ELAVL1: variants seen among roughly 807,000 people sequenced by gnomAD.
ELAVL1 encodes the protein ELAV like RNA binding protein 1, also known as ELAV-like protein 1.
ELAVL1 carries 1 observed loss-of-function variant against 28.4 expected under a neutral mutation model. That is an observed-to-expected ratio of 0.04 (90% CI 0.01 to 0.17). The LOEUF (loss-of-function observed/expected upper bound fraction) is 0.17, where lower values mean the gene tolerates loss of function less well. Among genes scored for constraint, ELAVL1 ranks in the 10% least tolerant of loss-of-function variants. The pLI is 1.00. For missense variants in ELAVL1, 157 were observed against 447.2 expected (o/e 0.35, Z 5.85); for synonymous variants, 174 against 183.5 (o/e 0.95, Z 0.42).
chr19:7,975,311 G>A (rs1269621461), intron 3 of ELAVL1, among the ~76,000 whole-genome samples: 2 of 152,234 alleles, frequency 1.3e-5, no homozygotes, highest in Non-Finnish European at 2.9e-5. Flanking sequence ...AGCTGAGGCT[G>A]GCACTGACTG....
In ELAVL1 at chr19:7,982,988, G is replaced by C. The variant is rs1407045492; in HGVS notation, c.173-1802C>G. 6.6e-6 allele frequency among the ~76,000 whole-genome samples: 1 copy of C among 152,178 alleles called. No individual in the cohort carries two copies. Among genetic ancestry groups the C allele is most frequent in the African/African-American group, 2.4e-5 (1 of 41,440 alleles). On this transcript the variant is annotated intron_variant, in intron 2 of 5. Coordinates refer to ENST00000407627, the MANE Select transcript of ELAVL1 (RefSeq NM_001419.3). The surrounding 1 kb of genome is among the most constrained non-coding windows in gnomAD (Gnocchi z 4.3). Reference sequence around the variant, plus strand: ...ATCACTGGGCCGAGGCAGTCAGTTTGCCAGGTTTCTTGGCTGTAAAGTGAC... The same window carrying C: ...ATCACTGGGCCGAGGCAGTCAGTTTCCCAGGTTTCTTGGCTGTAAAGTGAC...
rs556662201 is a variant in ELAVL1 at position 7,960,402 on chromosome 19, C to T, written c.*3081G>A. ...GGCCCCCGAGGAAGCCCATGAATTT[C>T]AGGATATTCACGCAGGATGGTGGCC... On this transcript the variant is annotated 3_prime_UTR_variant, in exon 6 of 6. Transcript: ENST00000407627. The T allele has an allele frequency of 6.6e-6, 1 of 152,366 alleles. No individual in the cohort carries two copies. The highest frequency in any genetic ancestry group is 1.9e-4 in the East Asian group (1 of 5,188). 9.4% of individuals were successfully genotyped at this position (152,366 alleles called of 1,614,324 possible).
At chr19:7,980,296 C>A (rs1238931371) in intron 3 of ELAVL1, among the ~76,000 whole-genome samples, 5 of 152,104 alleles carry the variant, frequency 3.3e-5, no homozygotes. Context: ...CTCAGCAGTA[C>A]CCAGGACTGA....
intron 1 of ELAVL1, among the ~76,000 whole-genome samples, chr19:7,997,757 C>T (rs1378849988): frequency 1.3e-5 from 2 of 149,606 alleles, no homozygotes; most frequent in Non-Finnish European, 3.0e-5. Context: ...CTGGGCAGCA[C>T]AGAGAGATGC....
At chr19:8,001,797 G>A (rs1384270758) in intron 1 of ELAVL1, among the ~76,000 whole-genome samples, 3 of 152,100 alleles carry the variant, frequency 2.0e-5, no homozygotes, top group Non-Finnish European at 4.4e-5. Flanking sequence ...CCTGGATCCA[G>A]TCGCTTCTGA....
At chr19:7,990,109 G>A (rs925500294) in intron 2 of ELAVL1, among the ~76,000 whole-genome samples, 1 of 151,964 alleles carries the variant, frequency 6.6e-6, no homozygotes, top group South Asian at 2.1e-4. Flanking sequence ...TGCAACCTCC[G>A]CCTCCCAGGT....
rs1458135887 is a variant in ELAVL1 at position 7,959,660 on chromosome 19, G to A, written c.*3823C>T. 1.3e-5 allele frequency: 2 copies of A among 152,196 alleles called. No homozygotes were observed. The highest frequency in any genetic ancestry group is 2.1e-4 in the South Asian group (1 of 4,832). 9.4% of individuals were successfully genotyped at this position (152,196 alleles called of 1,614,324 possible). On this transcript the variant is annotated 3_prime_UTR_variant, in exon 6 of 6. Coordinates refer to ENST00000407627, the MANE Select transcript of ELAVL1 (RefSeq NM_001419.3). ...GGTCAGGGGAAATCAAAAAGGTTTGGAAATGTGAACCCTGCCTGGGATCCG... is the reference window on the plus strand; with the variant it reads ...GGTCAGGGGAAATCAAAAAGGTTTGAAAATGTGAACCCTGCCTGGGATCCG...
intron 2 of ELAVL1, among the ~76,000 whole-genome samples, chr19:7,990,737 G>C (rs555947510): frequency 1.3e-5 from 2 of 152,256 alleles, no homozygotes; most frequent in South Asian, 4.2e-4. Flanking sequence ...CGAGAGGACT[G>C]GCCGCTCCTT....
rs142212587 is a variant in ELAVL1, at chr19:7,978,341, G to A, written c.276+2742C>T. ...GACCAAGCATGTGACTAGACGGCTG[G>A]GGCTGTGAGCTGGGCGATACCGGCC... On this transcript the variant is annotated intron_variant, in intron 3 of 5. Coordinates refer to ENST00000407627, the MANE Select transcript of ELAVL1 (RefSeq NM_001419.3). 2.6e-5 allele frequency among the ~76,000 whole-genome samples: 4 copies of A among 152,330 alleles called. No homozygotes were observed. In the East Asian group the frequency reaches 7.7e-4, roughly 29 times the overall value.
intron 4 of ELAVL1, among the ~76,000 whole-genome samples, chr19:7,971,943 C>CA (rs1985125197): frequency 6.6e-6 from 1 of 152,236 alleles, no homozygotes; most frequent in South Asian, 2.1e-4. Flanking sequence ...AGGAAGGCCC[C>CA]ACCTGTGTGC....
At chr19:8,004,004 T>C (rs1227908211) in intron 1 of ELAVL1, among the ~76,000 whole-genome samples, 1 of 152,204 alleles carries the variant, frequency 6.6e-6, no homozygotes, top group African/African-American at 2.4e-5. Context: ...GTTCAAACCC[T>C]GGCGCAGCCA....
At chr19:7,985,375 CA>C (rs1325649278) in intron 2 of ELAVL1, among the ~76,000 whole-genome samples, 2 of 152,174 alleles carry the variant, frequency 1.3e-5, no homozygotes, top group African/African-American at 4.8e-5. Flanking sequence ...CCACCTGCAC[CA>C]GGGGCATCTG....
chr19:7,959,009 G>A lies in ELAVL1; in HGVS notation c.*4474C>T, dbSNP rs1338198965. Reference sequence around the variant, plus strand: ...AGTCTTCTGGGTTATCAAAATCTAGGTTTGCTTTTTCCTCCTAAAACACTA... The same window carrying A: ...AGTCTTCTGGGTTATCAAAATCTAGATTTGCTTTTTCCTCCTAAAACACTA... On this transcript the variant is annotated 3_prime_UTR_variant, in exon 6 of 6. Transcript: ENST00000407627. The A allele has an allele frequency of 6.6e-6, 1 of 152,248 alleles. No individual in the cohort carries two copies. The highest frequency in any genetic ancestry group is 1.5e-5 in the Non-Finnish European group (1 of 67,836). 9.4% of individuals were successfully genotyped at this position (152,248 alleles called of 1,614,324 possible).
In ELAVL1 at chr19:7,963,556, G is replaced by C. The variant is rs1376533736; in HGVS notation, c.908C>G (p.Ala303Gly). The C allele has an allele frequency of 1.9e-6, 3 of 1,614,134 alleles. No homozygotes were observed. The African/African-American group carries it at 4.0e-5, about 22-fold the overall frequency. ...TNYEEAAMAI[A>G]SLNGYRLGDK... ...CCCCAGGCGGTAGCCGTTCAGGCTG[G>C]CTATGGCCATCGCGGCTTCTTCATA... Residue 303 changes from alanine to glycine, a missense_variant, in exon 6 of 6, where the codon GCC becomes GGC. By Grantham distance (60) the Ala-to-Gly change is moderately conservative. Around this residue, in one of 4 missense-constraint regions of ELAVL1, gnomAD observed 107 missense variants for 310.4 expected, o/e 0.34. Coordinates refer to ENST00000407627, the MANE Select transcript of ELAVL1 (RefSeq NM_001419.3). This position sits in a 1 kb window ranked among gnomAD's most constrained non-coding sequence, Gnocchi z 4.5.
At chr19:7,987,096 A>C (rs1488693199) in intron 2 of ELAVL1, among the ~76,000 whole-genome samples, 2 of 98,962 alleles carry the variant, frequency 2.0e-5, no homozygotes, top group Non-Finnish European at 3.7e-5. Flanking sequence ...GCCCAAGAGT[A>C]GAGCCTGACC....
intron 5 of ELAVL1, among the ~76,000 whole-genome samples, chr19:7,967,304 G>A (rs1984981868): frequency 1.3e-5 from 2 of 152,216 alleles, no homozygotes; most frequent in African/African-American, 2.4e-5. Context: ...CAAGGTGCTA[G>A]GATTACAGGG....
chr19:7,975,812 A>G (rs1330889736), intron 3 of ELAVL1, among the ~76,000 whole-genome samples: 1 of 152,218 alleles, frequency 6.6e-6, no homozygotes, highest in Non-Finnish European at 1.5e-5. Flanking sequence ...TCCTTATAAA[A>G]GAGGGAAATT....
chr19:7,974,061 G>T (rs150755565), intron 3 of ELAVL1, among the ~76,000 whole-genome samples, 183 bp from the exon 4 acceptor site: 3 of 152,374 alleles, frequency 2.0e-5, no homozygotes, highest in Non-Finnish European at 4.4e-5. Context: ...GGGATGGGCC[G>T]TGAGCCAGGA....
At chr19:7,966,723 G>A (rs1350023881) in intron 5 of ELAVL1, among the ~76,000 whole-genome samples, 5 of 150,586 alleles carry the variant, frequency 3.3e-5, no homozygotes, top group African/African-American at 9.8e-5. Flanking sequence ...GGGTTCAAGC[G>A]ATCCTCCCAC....
Sources: allele counts gnomAD v4.1 joint callset (sites outside exome capture counted in the v4.1 genomes callset), GRCh38; gene constraint gnomAD v4.1.1; regional missense constraint gnomAD v4.1.1; non-coding constraint Gnocchi (gnomAD v3.1); transcripts MANE v1.5; gene names NCBI Gene and HGNC (gene_info 2026-07-23, HGNC 2026-07-21).